Variants in CSRNP3 observed in about 807,000 individuals in gnomAD.
CSRNP3 encodes cysteine and serine rich nuclear protein 3.
A neutral mutation model predicts 48.0 loss-of-function variants in CSRNP3; 12 were observed. The ratio of observed to expected loss-of-function variants is 0.25; its 90% CI spans 0.16 to 0.41. CSRNP3 has a LOEUF of 0.41. Ranked by LOEUF, CSRNP3 falls within the 10% of genes least tolerant of loss-of-function variation. CSRNP3 has a pLI of 1.00. For synonymous variants in CSRNP3, 263 were observed against 269.7 expected (o/e 0.98, Z 0.24); for missense variants, 580 against 724.4 (o/e 0.80, Z 2.29).
chr2:165,577,224 C>T (rs139776617), intron 3 of CSRNP3, among the ~76,000 whole-genome samples: 42 of 150,984 alleles, frequency 2.8e-4, no homozygotes, highest in Middle Eastern at 3.5e-3. Flanking sequence ...AAAACAATCA[C>T]ATTTCTCTAT....
At chr2:165,556,538 G>A (rs985971406) in intron 3 of CSRNP3, among the ~76,000 whole-genome samples, 2 of 152,180 alleles carry the variant, frequency 1.3e-5, no homozygotes, top group African/African-American at 4.8e-5. Context: ...TTGCAGGAGA[G>A]AAGGTTGGAT....
Position 165,679,734 on chromosome 2 carries a change from T to C in CSRNP3, c.1739T>C (p.Val580Ala). Reference sequence around the variant, plus strand: ...GAAGAGTGCATCAAATCACCCGTGGTTGAGACAGTCCCTGTTTAGTAGCTT... The same window carrying C: ...GAAGAGTGCATCAAATCACCCGTGGCTGAGACAGTCCCTGTTTAGTAGCTT... ...LHEECIKSPVVETVPV is the reference protein window; with the variant it reads ...LHEECIKSPVAETVPV Residue 580 changes from valine (V) to alanine (A), a missense_variant, in exon 7 of 7, where the codon GTT becomes GCT. Coordinates refer to ENST00000651982, the MANE Select transcript of CSRNP3 (RefSeq NM_001172173.2). 11 of 1,613,572 alleles carry C rather than the reference T, an allele frequency of 6.8e-6. No individual in the cohort carries two copies. The highest frequency in any genetic ancestry group is 8.5e-6 in the Non-Finnish European group (10 of 1,179,666).
intron 3 of CSRNP3, among the ~76,000 whole-genome samples, chr2:165,578,358 C>G (rs181303231): frequency 6.6e-6 from 1 of 152,072 alleles, no homozygotes; most frequent in Non-Finnish European, 1.5e-5. Context: ...GTCTTACACT[C>G]TCCCTAATCA....
At chr2:165,507,051 T>C (rs1182826775) in intron 2 of CSRNP3, among the ~76,000 whole-genome samples, 3 of 152,146 alleles carry the variant, frequency 2.0e-5, no homozygotes, top group African/African-American at 7.2e-5. Flanking sequence ...AAAACAACAC[T>C]GCAATAAAAT....
intron 3 of CSRNP3, among the ~76,000 whole-genome samples, chr2:165,527,167 A>G (rs926993670): frequency 3.3e-5 from 5 of 151,724 alleles, no homozygotes; most frequent in African/African-American, 1.2e-4. Context: ...TAAGTTTATG[A>G]AAACCACACT....
intron 1 of CSRNP3, among the ~76,000 whole-genome samples, chr2:165,471,762 A>G (rs1010259513): frequency 6.6e-6 from 1 of 152,054 alleles, no homozygotes; most frequent in Non-Finnish European, 1.5e-5. Context: ...GACGTCTGCA[A>G]GTCTTATAAA....
At chr2:165,531,264 C>T (rs1684808566) in intron 3 of CSRNP3, among the ~76,000 whole-genome samples, 1 of 152,154 alleles carries the variant, frequency 6.6e-6, no homozygotes, top group Admixed American at 6.5e-5. Flanking sequence ...CTTCCTACTC[C>T]ACCCTCTTCC....
intron 3 of CSRNP3, among the ~76,000 whole-genome samples, chr2:165,565,254 C>T (rs547996687): frequency 6.6e-6 from 1 of 152,158 alleles, no homozygotes; most frequent in African/African-American, 2.4e-5. Flanking sequence ...TGGCTATTCA[C>T]ATAAGAAAGT....
chr2:165,654,279 C>A (rs188385295), intron 4 of CSRNP3, among the ~76,000 whole-genome samples: 1 of 152,134 alleles, frequency 6.6e-6, no homozygotes, highest in Non-Finnish European at 1.5e-5. Context: ...ACAAATTCTT[C>A]CTTGTTTTGA....
At chr2:165,560,552 C>T (rs1412812317) in intron 3 of CSRNP3, among the ~76,000 whole-genome samples, 2 of 152,174 alleles carry the variant, frequency 1.3e-5, no homozygotes, top group Non-Finnish European at 2.9e-5. Context: ...CATCTGGTTC[C>T]CACTGAGTGA....
intron 2 of CSRNP3, among the ~76,000 whole-genome samples, chr2:165,515,278 C>A (rs559356147): frequency 6.7e-6 from 1 of 149,746 alleles, no homozygotes; most frequent in South Asian, 2.1e-4. Context: ...GAGCCAGTTG[C>A]ACCAGTGCAC....
chr2:165,508,561 A>G (rs1005300216), intron 2 of CSRNP3, among the ~76,000 whole-genome samples: 2 of 152,036 alleles, frequency 1.3e-5, no homozygotes, highest in Non-Finnish European at 2.9e-5. Context: ...CTTATTGACA[A>G]CCTGGTTTAT....
At chr2:165,524,768 T>G (rs887259493) in intron 3 of CSRNP3, among the ~76,000 whole-genome samples, 1 of 152,224 alleles carries the variant, frequency 6.6e-6, no homozygotes, top group African/African-American at 2.4e-5. Flanking sequence ...GTATCAATAA[T>G]TATTTCCTTA....
chr2:165,597,218 A>G (rs1410616451), intron 4 of CSRNP3, among the ~76,000 whole-genome samples: 3 of 152,240 alleles, frequency 2.0e-5, no homozygotes, highest in Admixed American at 6.5e-5. Flanking sequence ...TGGTTTCAAC[A>G]TTAATTTCTA....
In CSRNP3 at chr2:165,679,855, T is replaced by C. The variant is rs944125833; in HGVS notation, c.*102T>C. 4 of 1,484,040 alleles carry C rather than the reference T, an allele frequency of 2.7e-6. No individual in the cohort carries two copies. In the African/African-American group the frequency reaches 4.2e-5, roughly 16 times the overall value. The allele number at this position is 1,484,040 out of a possible 1,614,324, so 91.9% of individuals were successfully genotyped here. On this transcript the variant is annotated 3_prime_UTR_variant, in exon 7 of 7. Transcript: ENST00000651982. ...TGTTTAAACTGAAGACCAAGAAAAC[T>C]TGGACGGTGGTTAATCTTCCAGACT...
intron 1 of CSRNP3, among the ~76,000 whole-genome samples, chr2:165,486,187 C>T (rs1434716603): frequency 2.0e-5 from 3 of 152,254 alleles, no homozygotes; most frequent in South Asian, 2.1e-4. Context: ...GGGTGACGGA[C>T]GCACCTGGAA....
intron 4 of CSRNP3, among the ~76,000 whole-genome samples, chr2:165,622,545 A>G (rs1686357392): frequency 6.6e-6 from 1 of 152,208 alleles, no homozygotes; most frequent in Non-Finnish European, 1.5e-5. Context: ...GCTGCTGTGA[A>G]GGCTCAATGG....
intron 3 of CSRNP3, among the ~76,000 whole-genome samples, chr2:165,594,152 C>G (rs1685771807): frequency 6.6e-6 from 1 of 152,062 alleles, no homozygotes; most frequent in Non-Finnish European, 1.5e-5. Flanking sequence ...CTTATCTTAA[C>G]CATTTTGGAT....
At chr2:165,563,644 C>T (rs1411822655) in intron 3 of CSRNP3, among the ~76,000 whole-genome samples, 1 of 152,036 alleles carries the variant, frequency 6.6e-6, no homozygotes, top group African/African-American at 2.4e-5. Flanking sequence ...ACTTCAGCAC[C>T]AGGTCTCTCT....
Sources: gnomAD v4.1 joint callset for allele counts (sites outside exome capture counted in the v4.1 genomes callset) on GRCh38, gnomAD v4.1.1 for gene constraint, MANE v1.5 for transcripts, NCBI Gene and HGNC (gene_info 2026-07-23, HGNC 2026-07-21) for gene names.